The following MLLT10 variants were observed in gnomAD, a reference collection of about 807,000 sequenced individuals.
MLLT10 encodes MLLT10 histone lysine methyltransferase DOT1L cofactor.
In MLLT10, 30 loss-of-function variants were observed where a neutral mutation model predicts 129.1. That is an observed-to-expected ratio of 0.23 (90% CI 0.17 to 0.32). The LOEUF is 0.32. Among genes scored for constraint, MLLT10 ranks in the 10% least tolerant of loss-of-function variants. The probability of loss-of-function intolerance (pLI) is 1.00; values close to 1 mark genes in which losing one functional copy is unlikely to be tolerated. For missense variants in MLLT10, 1,119 were observed against 1,268.3 expected, an observed-to-expected ratio of 0.88 and a Z score of 1.79; for synonymous variants, 490 against 446.4, an observed-to-expected ratio of 1.10 and a Z score of -1.23.
chr10:21,676,806 G>A (rs11012770), intron 11 of MLLT10, among the ~76,000 whole-genome samples: 2 of 139,284 alleles, frequency 1.4e-5, no homozygotes, highest in Admixed American at 1.5e-4. Flanking sequence ...CATGGAATAA[G>A]ATTATTGAAA....
intron 3 of MLLT10, among the ~76,000 whole-genome samples, chr10:21,579,502 TG>T (rs1431396853): frequency 6.6e-6 from 1 of 151,800 alleles, no homozygotes; most frequent in Non-Finnish European, 1.5e-5. Flanking sequence ...TGTAGGTCCC[TG>T]AAGCCCTGGT....
intron 3 of MLLT10, among the ~76,000 whole-genome samples, chr10:21,543,891 C>A (rs976181232): frequency 1.3e-5 from 2 of 152,186 alleles, no homozygotes; most frequent in Non-Finnish European, 2.9e-5. Context: ...AAATGTATTT[C>A]ACCCAGAAAG....
chr10:21,666,811 A>C (rs1052175487), intron 9 of MLLT10, among the ~76,000 whole-genome samples: 5 of 152,228 alleles, frequency 3.3e-5, no homozygotes, highest in African/African-American at 1.2e-4. Flanking sequence ...ATTGAATAGA[A>C]AATTCCAGAA....
At chr10:21,584,799 T>A (rs2041837673) in intron 3 of MLLT10, among the ~76,000 whole-genome samples, 1 of 151,822 alleles carries the variant, frequency 6.6e-6, no homozygotes, top group Non-Finnish European at 1.5e-5. Context: ...ATATATATAA[T>A]GTGTGTGTTT....
chr10:21,687,606 T>C (rs2053432136), intron 13 of MLLT10, among the ~76,000 whole-genome samples: 1 of 152,222 alleles, frequency 6.6e-6, no homozygotes, highest in South Asian at 2.1e-4. Flanking sequence ...CAACAAGTGC[T>C]ACGAAGTTTG....
chr10:21,716,395 T>A (rs1441153937), intron 14 of MLLT10, among the ~76,000 whole-genome samples: 4 of 152,154 alleles, frequency 2.6e-5, no homozygotes, highest in Non-Finnish European at 5.9e-5. Flanking sequence ...TTATCAATAT[T>A]TAAAACGTAA....
At chr10:21,728,815 G>A (rs1311081104) in intron 16 of MLLT10, among the ~76,000 whole-genome samples, 1 of 151,678 alleles carries the variant, frequency 6.6e-6, no homozygotes, top group Non-Finnish European at 1.5e-5. Context: ...ATTGCTTGAG[G>A]CCTGGAGTTC....
intron 14 of MLLT10, among the ~76,000 whole-genome samples, chr10:21,722,968 CT>C (rs944321549): frequency 6.6e-5 from 10 of 152,156 alleles, no homozygotes; most frequent in Non-Finnish European, 1.0e-4. Context: ...AAATTAATAA[CT>C]TTTAATTTCT....
chr10:21,612,547 G>T, intron 6 of MLLT10, 96 bp downstream of exon 6: 4 of 626,610 alleles, frequency 6.4e-6, no homozygotes, highest in Non-Finnish European at 1.1e-5. Flanking sequence ...CATTAATTAT[G>T]GTAAACTTTA....
intron 13 of MLLT10, among the ~76,000 whole-genome samples, chr10:21,682,950 A>G (rs997454079): frequency 6.6e-6 from 1 of 152,138 alleles, no homozygotes; most frequent in East Asian, 1.9e-4. Flanking sequence ...TTTCTTTTTC[A>G]GTTATTAACA....
intron 3 of MLLT10, 129 bp from the exon 4 acceptor site, chr10:21,586,165 A>G: frequency 1.4e-6 from 1 of 725,974 alleles, no homozygotes; most frequent in Non-Finnish European, 2.4e-6. Flanking sequence ...AATGTTCTGA[A>G]ATATTCTTGG....
chr10:21,722,438 C>G (rs569073754), intron 14 of MLLT10, among the ~76,000 whole-genome samples: 1 of 152,252 alleles, frequency 6.6e-6, no homozygotes, highest in African/African-American at 2.4e-5. Flanking sequence ...CCAAAGTATG[C>G]TGTAGAGAAG....
chr10:21,657,464 A>G (rs1276776648), intron 9 of MLLT10, among the ~76,000 whole-genome samples: 3 of 151,930 alleles, frequency 2.0e-5, no homozygotes, highest in Admixed American at 6.6e-5. Context: ...CTTGCTGTCA[A>G]TGTTATTTTG....
chr10:21,717,789 TCTTCTTCTTCTC>T (rs1564711745), intron 14 of MLLT10, among the ~76,000 whole-genome samples: 64 of 47,976 alleles, frequency 1.3e-3, no homozygotes, highest in African/African-American at 3.9e-3. Context: ...TGCTTCTTCT[TCTTCTTCTTCTC>T]CTTCTTCTTC....
In MLLT10 at chr10:21,733,789, A is replaced by C; in HGVS notation, c.2518A>C (p.Ser840Arg). The part of the protein sequence containing the change: ...LNQDLTSSGQ[S>R]TSSSSALSTP... ...CTAGGACTTAACCTCCAGTGGACAA[A>C]GTACCAGCAGCTCATCAGCTCTTTC... The change falls in exon 20 of 23, where the codon AGT becomes CGT. Residue 840 changes from serine to arginine, a missense_variant. Ser to Arg is a moderately radical substitution (Grantham distance 110). Coordinates refer to ENST00000307729, the MANE Select transcript of MLLT10 (RefSeq NM_001195626.3). 6.2e-7 allele frequency: 1 copy of C among 1,613,376 alleles called. No individual in the cohort carries two copies. The highest frequency in any genetic ancestry group is 8.5e-7 in the Non-Finnish European group (1 of 1,179,682).
chr10:21,631,624 C>T (rs761914804), intron 8 of MLLT10, among the ~76,000 whole-genome samples: 3 of 151,492 alleles, frequency 2.0e-5, no homozygotes, highest in Non-Finnish European at 2.9e-5. Flanking sequence ...CAGAAGGCGA[C>T]GAGGAAATAA....
At chr10:21,666,717 C>T (rs1229626506) in intron 9 of MLLT10, among the ~76,000 whole-genome samples, 1 of 151,784 alleles carries the variant, frequency 6.6e-6, no homozygotes, top group African/African-American at 2.4e-5. Context: ...TATTGTTTAC[C>T]ATTTTTACTG....
chr10:21,626,194 G>A, intron 8 of MLLT10: 1 of 1,603,690 alleles, frequency 6.2e-7, no homozygotes, highest in South Asian at 1.1e-5. Context: ...CACTTTCCTT[G>A]AACTGCTGTA....
At chr10:21,567,293 C>G (rs1439607912) in intron 3 of MLLT10, among the ~76,000 whole-genome samples, 1 of 152,160 alleles carries the variant, frequency 6.6e-6, no homozygotes, top group East Asian at 1.9e-4. Flanking sequence ...TTCAGGTTAT[C>G]TACCTTGTCT....
Sources: allele counts gnomAD v4.1 joint callset (sites outside exome capture counted in the v4.1 genomes callset), GRCh38; gene constraint gnomAD v4.1.1; transcripts MANE v1.5; gene names NCBI Gene and HGNC (gene_info 2026-07-23, HGNC 2026-07-21).